Variants in MOB4 observed in about 807,000 individuals in gnomAD.
The protein encoded by MOB4 is MOB-like protein phocein.
A neutral mutation model predicts 32.2 loss-of-function variants in MOB4; 4 were observed. The observed-to-expected ratio is 0.12, with a 90% confidence interval of 0.06 to 0.28. The LOEUF (loss-of-function observed/expected upper bound fraction) is 0.28. Among genes scored for constraint, MOB4 ranks in the 10% least tolerant of loss-of-function variants. The pLI, the probability that MOB4 is intolerant of heterozygous loss-of-function variation, is 1.00. For synonymous variants in MOB4, 88 were observed against 88.1 expected, an observed-to-expected ratio of 1.00 and a Z score of 0.01; for missense variants, 158 against 271.2, an observed-to-expected ratio of 0.58 and a Z score of 2.93.
At chr2:197,528,238 TC>T (rs2086640875) in intron 2 of MOB4, among the ~76,000 whole-genome samples, 1 of 152,190 alleles carries the variant, frequency 6.6e-6, no homozygotes, top group Non-Finnish European at 1.5e-5. Context: ...TGTTCCTGTT[TC>T]CCCTTTTCTG....
In MOB4 at chr2:197,552,496, C is replaced by T. The variant is rs2087114315; in HGVS notation, c.*1850C>T. 1 of 152,238 alleles carries T rather than the reference C, an allele frequency of 6.6e-6. No homozygotes were observed. Among genetic ancestry groups the T allele is most frequent in the African/African-American group, 2.4e-5 (1 of 41,426 alleles). The allele number at this position is 152,238 out of a possible 1,614,324, so 9.4% of individuals were successfully genotyped here. A position where few individuals can be genotyped will look rare whatever the true frequency, so the allele number is the denominator to read the frequency against. Reference sequence around the variant, plus strand: ...GGTGATCTGGCTGAGTATTTTGAAACACATTTTGAATAATATGGCTTAGTG... The same window carrying T: ...GGTGATCTGGCTGAGTATTTTGAAATACATTTTGAATAATATGGCTTAGTG... On this transcript the variant is annotated 3_prime_UTR_variant, in exon 8 of 8. Transcript: ENST00000323303.
At chr2:197,520,183 A>AC (rs1488928257) in intron 1 of MOB4, among the ~76,000 whole-genome samples, 13 of 148,918 alleles carry the variant, frequency 8.7e-5, no homozygotes, top group South Asian at 4.2e-4. Flanking sequence ...TTGCACTTAA[A>AC]CTTTTTTTTT....
chr2:197,533,484 G>A (rs1203642687), intron 2 of MOB4, among the ~76,000 whole-genome samples: 1 of 152,158 alleles, frequency 6.6e-6, no homozygotes, highest in Non-Finnish European at 1.5e-5. Context: ...CAGCACTTCG[G>A]GAGGCCGAGG....
chr2:197,517,920 A>T (rs2086443966), intron 1 of MOB4, among the ~76,000 whole-genome samples: 1 of 152,170 alleles, frequency 6.6e-6, no homozygotes, highest in Non-Finnish European at 1.5e-5. Flanking sequence ...CAGGCGGATC[A>T]TCTGAGTTCA....
chr2:197,525,142 G>A (rs2086587780), intron 2 of MOB4, among the ~76,000 whole-genome samples: 3 of 152,048 alleles, frequency 2.0e-5, no homozygotes, highest in Admixed American at 1.3e-4. Context: ...TCAGGAGATC[G>A]AGACCATCCT....
rs144397179 is a variant in MOB4 at position 197,539,926 on chromosome 2, A to G, written c.225-185A>G. ...TCTGGTATTGAATGTTATGAGGGTT[A>G]TTGGTTTTCTATTTTTAATCTGTAA... On this transcript the variant is annotated intron_variant, in intron 3 of 7. Transcript: ENST00000323303. 1.5e-3 allele frequency among the ~76,000 whole-genome samples: 228 copies of G among 152,248 alleles called. 2 individuals carry two copies. Among genetic ancestry groups the G allele is most frequent in the African/African-American group, 5.0e-3 (208 of 41,562 alleles).
In MOB4 at chr2:197,551,959, C is replaced by G. The variant is rs2087105286; in HGVS notation, c.*1313C>G. ...AAAGTATTTAAATCCAACTTTTGAA[C>G]AGATTTAACAAACATGAGGAACTTT... On this transcript the variant is annotated 3_prime_UTR_variant, in exon 8 of 8. Transcript: ENST00000323303. 1 of 152,146 alleles carries G rather than the reference C, an allele frequency of 6.6e-6. No individual in the cohort carries two copies. The highest frequency in any genetic ancestry group is 2.1e-4 in the South Asian group (1 of 4,832). 9.4% of individuals were successfully genotyped at this position (152,146 alleles called of 1,614,324 possible).
chr2:197,546,042 G>A (rs1181360369), intron 5 of MOB4, among the ~76,000 whole-genome samples: 1 of 151,824 alleles, frequency 6.6e-6, no homozygotes, highest in Non-Finnish European at 1.5e-5. Flanking sequence ...CCTCTTTCAC[G>A]TTACCTTTTT....
chr2:197,538,539 G>A (rs1375462780), intron 3 of MOB4, among the ~76,000 whole-genome samples: 1 of 152,062 alleles, frequency 6.6e-6, no homozygotes, highest in Non-Finnish European at 1.5e-5. Context: ...GAGTCTTAAT[G>A]ATTAGGAAAA....
intron 1 of MOB4, among the ~76,000 whole-genome samples, chr2:197,520,030 G>A (rs1175418462): frequency 3.3e-5 from 5 of 152,082 alleles, no homozygotes; most frequent in Admixed American, 1.3e-4. Context: ...ACTTAAAAAG[G>A]TGTACTCATT....
chr2:197,531,411 C>T (rs2086702366), intron 2 of MOB4, among the ~76,000 whole-genome samples: 1 of 152,154 alleles, frequency 6.6e-6, no homozygotes, highest in African/African-American at 2.4e-5. Context: ...CAACCATCAC[C>T]ACCGTGTCCA....
chr2:197,523,495 A>T (rs774417627), intron 1 of MOB4, 129 bp from the exon 2 acceptor site: 16 of 863,520 alleles, frequency 1.9e-5, no homozygotes, highest in Non-Finnish European at 2.1e-5. Flanking sequence ...TTATTTCCTT[A>T]TTTCACTGAT....
chr2:197,515,897 G>A (rs2086399615), upstream of MOB4: 1 of 584,412 alleles, frequency 1.7e-6, no homozygotes. Flanking sequence ...GACGCCGTCC[G>A]GCTGTTCCTC....
chr2:197,528,249 G>T (rs2086640970), intron 2 of MOB4, among the ~76,000 whole-genome samples: 1 of 151,802 alleles, frequency 6.6e-6, no homozygotes, highest in Admixed American at 6.6e-5. Context: ...CCCCTTTTCT[G>T]TCTTTTTAAG....
At chr2:197,524,356 C>G (rs1015971558) in intron 2 of MOB4, among the ~76,000 whole-genome samples, 3 of 151,746 alleles carry the variant, frequency 2.0e-5, no homozygotes, top group African/African-American at 7.3e-5. Flanking sequence ...CATGGTGAAA[C>G]CCTGTCTCTA....
intron 1 of MOB4, among the ~76,000 whole-genome samples, chr2:197,517,027 A>G (rs929090280): frequency 2.0e-5 from 3 of 152,230 alleles, no homozygotes; most frequent in African/African-American, 7.2e-5. Context: ...TTAAAAAGTG[A>G]TGCAAATGAA....
chr2:197,536,985 C>T (rs552944585), intron 3 of MOB4, among the ~76,000 whole-genome samples: 2 of 152,136 alleles, frequency 1.3e-5, no homozygotes, highest in East Asian at 3.9e-4. Flanking sequence ...AGTGATCCTC[C>T]CATCTCAGCC....
intron 5 of MOB4, among the ~76,000 whole-genome samples, chr2:197,541,185 AC>A (rs2086890245): frequency 6.6e-6 from 1 of 151,908 alleles, no homozygotes; most frequent in African/African-American, 2.4e-5. Context: ...ACAGGTGTGA[AC>A]CACTGTGCCT....
intron 2 of MOB4, among the ~76,000 whole-genome samples, chr2:197,533,473 C>A (rs1199292290): frequency 1.3e-5 from 2 of 151,966 alleles, no homozygotes; most frequent in Non-Finnish European, 2.9e-5. Context: ...GCCTGTAATC[C>A]CAGCACTTCG....
Sources: gnomAD v4.1 joint callset for allele counts (sites outside exome capture counted in the v4.1 genomes callset) on GRCh38, gnomAD v4.1.1 for gene constraint, MANE v1.5 for transcripts, NCBI Gene and HGNC (gene_info 2026-07-23, HGNC 2026-07-21) for gene names.